Variants in CFAP61 observed in about 807,000 individuals in gnomAD.
The protein encoded by CFAP61 is cilia and flagella associated protein 61, also known as cilia- and flagella-associated protein 61.
A neutral mutation model predicts 135.6 loss-of-function variants in CFAP61; 107 were observed. The ratio of observed to expected loss-of-function variants is 0.79; its 90% CI spans 0.67 to 0.93. The LOEUF (loss-of-function observed/expected upper bound fraction) is 0.93, where lower values mean the gene tolerates loss of function less well. CFAP61 is among the 40% of genes least tolerant of loss of function. CFAP61 has a pLI of 0.00. For missense variants in CFAP61, 1,507 were observed against 1,556.2 expected, an observed-to-expected ratio of 0.97 and a Z score of 0.53; for synonymous variants, 575 against 578.5, an observed-to-expected ratio of 0.99 and a Z score of 0.09.
Position 20,095,406 on chromosome 20 carries a change from C to A in CFAP61, c.700-3249C>A, listed in dbSNP as rs562409692. ...CCATCAAGTTTGTCTTTCTGAACAGCCATGGCAGTTCCAGGCCAGGCATGC... is the reference window on the plus strand; with the variant it reads ...CCATCAAGTTTGTCTTTCTGAACAGACATGGCAGTTCCAGGCCAGGCATGC... On this transcript the variant is annotated intron_variant, in intron 7 of 26. Transcript: ENST00000245957. Among the ~76,000 whole-genome samples, 6 of 152,358 alleles carry A rather than the reference C, an allele frequency of 3.9e-5. No homozygotes were observed. The East Asian group carries it at 1.2e-3, about 29-fold the overall frequency.
In CFAP61 at chr20:20,359,361, A is replaced by T. The variant is rs1383371632; in HGVS notation, c.3514-849A>T. On this transcript the variant is annotated intron_variant, in intron 26 of 26. Transcript: ENST00000245957. The surrounding 1 kb of genome is among the most constrained non-coding windows in gnomAD (Gnocchi z 4.0). Reference sequence around the variant, plus strand: ...AATCACTCCTTTTTTTTATTTTTAAATTTTTTTATTTTTAAAACAGAGGCA... The same window carrying T: ...AATCACTCCTTTTTTTTATTTTTAATTTTTTTTATTTTTAAAACAGAGGCA... Among the ~76,000 whole-genome samples the T allele has an allele frequency of 7.9e-5, 12 of 152,086 alleles. No individual in the cohort carries two copies. The highest frequency in any genetic ancestry group is 1.9e-4 in the African/African-American group (8 of 41,488).
chr20:20,225,183 C>A (rs1032674258), intron 17 of CFAP61: 1 of 152,170 alleles, frequency 6.6e-6, no homozygotes, highest in Non-Finnish European at 1.5e-5. Flanking sequence ...CAGAAGCCAT[C>A]TTCATTTACA....
intron 6 of CFAP61, chr20:20,085,138 G>A (rs2046702698): frequency 1.0e-6 from 1 of 985,298 alleles, no homozygotes; most frequent in South Asian, 4.7e-5. Flanking sequence ...ATCGCCACTG[G>A]AACACTGTGC....
chr20:20,104,658 C>T (rs796919759), intron 8 of CFAP61, among the ~76,000 whole-genome samples: 3 of 152,272 alleles, frequency 2.0e-5, no homozygotes, highest in African/African-American at 7.2e-5. Flanking sequence ...TGTAGTTAAC[C>T]AGTGACCCAC....
intron 25 of CFAP61, among the ~76,000 whole-genome samples, chr20:20,303,923 C>T (rs914625900): frequency 5.9e-5 from 9 of 152,304 alleles, no homozygotes; most frequent in African/African-American, 2.2e-4. Flanking sequence ...TTCCCCCTAT[C>T]TATTCTCACT....
chr20:20,132,258 C>T (rs1277935099), intron 8 of CFAP61, among the ~76,000 whole-genome samples: 1 of 151,986 alleles, frequency 6.6e-6, no homozygotes, highest in African/African-American at 2.4e-5. Flanking sequence ...GATTTTCCTT[C>T]CTTTTAAAAG....
At chr20:20,074,099 T>A (rs2045900457) in intron 3 of CFAP61, among the ~76,000 whole-genome samples, 1 of 152,056 alleles carries the variant, frequency 6.6e-6, no homozygotes, top group Non-Finnish European at 1.5e-5. Context: ...TAATTGTGAG[T>A]AAGGAGGACA....
intron 18 of CFAP61, among the ~76,000 whole-genome samples, chr20:20,231,603 C>G (rs552582804): frequency 7.9e-5 from 12 of 152,290 alleles, no homozygotes; most frequent in African/African-American, 2.9e-4. Context: ...GTTCCCTCCC[C>G]CCTTGTCTGG....
Position 20,228,284 on chromosome 20 carries a change from A to G in CFAP61, c.1968A>G (p.Leu656=), listed in dbSNP as rs1188088467. 1 of 1,611,040 alleles carries G rather than the reference A, an allele frequency of 6.2e-7. No homozygotes were observed. Among genetic ancestry groups the G allele is most frequent in the Non-Finnish European group, 8.5e-7 (1 of 1,177,546 alleles). Residue 656 remains leucine (L), a synonymous_variant, in exon 18 of 27, where the codon CTA becomes CTG. Transcript: ENST00000245957. ...SYALNHTNRK[L]TLEPKITVNA... ...CTTTAAACCATACAAACAGAAAACT[A>G]ACATTGGAACCTAAAATTACTGTCA...
intron 3 of CFAP61, 45 bp from the exon 4 acceptor site, chr20:20,074,257 G>T (rs1430237617): frequency 6.5e-7 from 1 of 1,548,770 alleles, no homozygotes; most frequent in Admixed American, 1.7e-5. Context: ...GACCTAGCCC[G>T]AATACTGACT....
chr20:20,345,920 A>G (rs2058613482), intron 26 of CFAP61, among the ~76,000 whole-genome samples: 1 of 89,774 alleles, frequency 1.1e-5, no homozygotes, highest in African/African-American at 4.3e-5. Flanking sequence ...TTTGAGACGG[A>G]GTCTCGCTCT....
At chr20:20,154,583 A>G (rs566110975) in intron 9 of CFAP61, among the ~76,000 whole-genome samples, 29 of 152,236 alleles carry the variant, frequency 1.9e-4, no homozygotes, top group African/African-American at 7.0e-4. Flanking sequence ...TCATATACAG[A>G]ACTCAATCCC....
intron 25 of CFAP61, among the ~76,000 whole-genome samples, chr20:20,310,268 A>T (rs1315283473): frequency 6.6e-6 from 1 of 152,180 alleles, no homozygotes; most frequent in Non-Finnish European, 1.5e-5. Flanking sequence ...TGCTGGGACT[A>T]CCACCACACC....
chr20:20,142,796 C>G, intron 8 of CFAP61, 61 bp from the exon 9 acceptor site: 2 of 937,018 alleles, frequency 2.1e-6, no homozygotes, highest in Non-Finnish European at 1.7e-6. Flanking sequence ...GTCTAATTTC[C>G]TGTGATTCTG....
intron 26 of CFAP61, among the ~76,000 whole-genome samples, chr20:20,348,689 C>CAAAAAAA (rs71198052): frequency 1.9e-3 from 99 of 52,718 alleles, no homozygotes; most frequent in African/African-American, 3.9e-3. Context: ...GACTCCGTAT[C>CAAAAAAA]AAAAAAAAAA....
chr20:20,110,842 C>T (rs2048753680), intron 8 of CFAP61, among the ~76,000 whole-genome samples: 1 of 152,172 alleles, frequency 6.6e-6, no homozygotes, highest in Non-Finnish European at 1.5e-5. Context: ...AGCCATCTAG[C>T]TTCAGCTCAC....
At position 20,360,250 on chromosome 20, in the gene CFAP61, T is replaced by C; in HGVS notation, c.3554T>C (p.Ile1185Thr). The change falls in exon 27 of 27, where the codon ATA becomes ACA. Residue 1185 changes from isoleucine (I) to threonine (T), a missense_variant. Physicochemically the swap from Ile to Thr is moderately conservative, Grantham distance 89. Transcript: ENST00000245957. ...TCCATAGAGCAGTTAGCCCATCAAA[T>C]AGAAGATGAGGAAATCAACCCGACT... ...LPSIEQLAHQ[I>T]EDEEINPTEK... 1 of 1,613,878 alleles carries C rather than the reference T, an allele frequency of 6.2e-7. No homozygotes were observed. The highest frequency in any genetic ancestry group is 8.5e-7 in the Non-Finnish European group (1 of 1,179,946).
intron 13 of CFAP61, among the ~76,000 whole-genome samples, chr20:20,187,192 AC>A (rs1163116736): frequency 6.6e-6 from 1 of 152,066 alleles, no homozygotes; most frequent in Non-Finnish European, 1.5e-5. Flanking sequence ...GCCTCTCTAT[AC>A]CCTTGTCCAG....
At chr20:20,069,490 G>A (rs2045555614) in intron 2 of CFAP61, among the ~76,000 whole-genome samples, 1 of 152,116 alleles carries the variant, frequency 6.6e-6, no homozygotes, top group African/African-American at 2.4e-5. Flanking sequence ...ATGTTGGCCA[G>A]GCTGTCTCAA....
Sources: gnomAD v4.1 joint callset for allele counts (sites outside exome capture counted in the v4.1 genomes callset) on GRCh38, gnomAD v4.1.1 for gene constraint, Gnocchi (gnomAD v3.1) non-coding constraint, MANE v1.5 for transcripts, NCBI Gene and HGNC (gene_info 2026-07-23, HGNC 2026-07-21) for gene names.